RBBP8: variants seen among roughly 807,000 people sequenced by gnomAD.
RBBP8 encodes DNA endonuclease RBBP8.
In RBBP8, 88 loss-of-function variants were observed where a neutral mutation model predicts 108.3. That is an observed-to-expected ratio of 0.81 (90% confidence interval 0.68 to 0.97). RBBP8 has a LOEUF of 0.97. Among genes scored for constraint, RBBP8 ranks in the 50% least tolerant of loss-of-function variants. The pLI, the probability that RBBP8 is intolerant of heterozygous loss-of-function variation, is 0.00. For synonymous variants in RBBP8, 332 were observed against 348.2 expected, an observed-to-expected ratio of 0.95 and a Z score of 0.52; for missense variants, 1,023 against 1,049.0, an observed-to-expected ratio of 0.98 and a Z score of 0.34.
intron 7 of RBBP8, 91 bp downstream of exon 7, chr18:22,982,484 A>ATATC: frequency 6.3e-7 from 1 of 1,589,494 alleles, no homozygotes; most frequent in Non-Finnish European, 8.5e-7. Context: ...TGATAAGAAG[A>ATATC]TAGTCACTAT....
At chr18:23,002,995 G>T (rs545543832) in intron 15 of RBBP8, among the ~76,000 whole-genome samples, 25 of 152,252 alleles carry the variant, frequency 1.6e-4, no homozygotes, top group African/African-American at 5.3e-4. Context: ...TACTTATTCT[G>T]TTCCTTCTTT....
At chr18:22,979,998 C>G (rs1914782892) in intron 6 of RBBP8, among the ~76,000 whole-genome samples, 1 of 147,322 alleles carries the variant, frequency 6.8e-6, no homozygotes, top group South Asian at 2.2e-4. Context: ...ATAATCTCAG[C>G]ACTTTGGGAG....
intron 4 of RBBP8, among the ~76,000 whole-genome samples, chr18:22,960,366 C>T (rs1567961481): frequency 2.0e-5 from 3 of 152,244 alleles, no homozygotes; most frequent in African/African-American, 4.8e-5. Flanking sequence ...GCCGGGGCAA[C>T]GTGGCAAAAC....
intron 5 of RBBP8, among the ~76,000 whole-genome samples, chr18:22,972,083 C>T (rs1225169510): frequency 1.3e-5 from 2 of 150,924 alleles, no homozygotes; most frequent in East Asian, 2.0e-4. Context: ...AGGGCAGGCG[C>T]GTTGGCTCAC....
chr18:23,001,922 T>G (rs1438209251), intron 15 of RBBP8, among the ~76,000 whole-genome samples, 193 bp downstream of exon 15: 1 of 152,190 alleles, frequency 6.6e-6, no homozygotes, highest in Non-Finnish European at 1.5e-5. Flanking sequence ...TTTTCAGCAT[T>G]CTCCTGTACC....
At chr18:22,998,749 A>G (rs2045900011) in intron 14 of RBBP8, among the ~76,000 whole-genome samples, 1 of 152,182 alleles carries the variant, frequency 6.6e-6, no homozygotes, top group Non-Finnish European at 1.5e-5. Context: ...CTACTTATCT[A>G]CTGCTGCCTT....
At chr18:22,996,291 T>A in intron 12 of RBBP8, 83 bp from the exon 13 acceptor site, 1 of 1,562,144 alleles carries the variant, frequency 6.4e-7, no homozygotes. Flanking sequence ...AAATTTTCTA[T>A]TCTTTAGGTC....
intron 3 of RBBP8, among the ~76,000 whole-genome samples, chr18:22,925,208 C>A (rs374967820): frequency 6.6e-6 from 1 of 152,104 alleles, no homozygotes; most frequent in South Asian, 2.1e-4. Flanking sequence ...CCTAAATAGT[C>A]CACAAAAACA....
intron 6 of RBBP8, among the ~76,000 whole-genome samples, chr18:22,980,203 A>G (rs1005678823): frequency 6.6e-6 from 1 of 152,052 alleles, no homozygotes; most frequent in Non-Finnish European, 1.5e-5. Flanking sequence ...CCGAGATTGG[A>G]CCACTGCACT....
Position 22,914,532 on chromosome 18 carries a change from C to T in RBBP8, c.-306+226C>T, listed in dbSNP as rs79126261. Among the ~76,000 whole-genome samples, 1,422 of 152,254 alleles carry T rather than the reference C, an allele frequency of 9.3e-3. 15 individuals are homozygous for T. The highest frequency in any genetic ancestry group is 0.013 in the Non-Finnish European group (876 of 68,012). ...TTACTATGCTTTTCTGTAAGTTGTGCATGGCTATAGTCATTTTAAAAGCTG... is the reference window on the plus strand; with the variant it reads ...TTACTATGCTTTTCTGTAAGTTGTGTATGGCTATAGTCATTTTAAAAGCTG... On this transcript the variant is annotated intron_variant, in intron 1 of 4. Transcript: ENST00000577588.
intron 16 of RBBP8, among the ~76,000 whole-genome samples, chr18:23,011,995 A>G (rs2046171814): frequency 6.6e-6 from 1 of 151,786 alleles, no homozygotes; most frequent in Non-Finnish European, 1.5e-5. Flanking sequence ...GTGATGAGCA[A>G]ATCGAGACCA....
intron 16 of RBBP8, among the ~76,000 whole-genome samples, chr18:23,006,645 G>A (rs2046054451): frequency 6.6e-6 from 1 of 151,976 alleles, no homozygotes; most frequent in Admixed American, 6.6e-5. Flanking sequence ...GGGACTACAG[G>A]CACATACTAC....
In RBBP8 at chr18:22,974,454, T is replaced by C. The variant is rs567830802; in HGVS notation, c.362-699T>C. On this transcript the variant is annotated intron_variant, in intron 5 of 18. Transcript: ENST00000327155. Reference sequence around the variant, plus strand: ...AAAATTACACTGATATTCAGCGTTTTTGGTGTTTTTTTGTTTTGTTTTGTT... The same window carrying C: ...AAAATTACACTGATATTCAGCGTTTCTGGTGTTTTTTTGTTTTGTTTTGTT... Among the ~76,000 whole-genome samples the C allele has an allele frequency of 1.2e-4, 18 of 152,264 alleles. No individual in the cohort carries two copies. In the South Asian group the frequency reaches 3.7e-3, roughly 32 times the overall value.
At chr18:22,946,601 T>C in intron 3 of RBBP8, 115 bp downstream of exon 3, 5 of 1,458,534 alleles carry the variant, frequency 3.4e-6, no homozygotes, top group Non-Finnish European at 4.6e-6. Context: ...TAATGTCTTA[T>C]TTATAAAAAA....
At chr18:22,962,176 A>T (rs890142816) in intron 4 of RBBP8, among the ~76,000 whole-genome samples, 1 of 151,864 alleles carries the variant, frequency 6.6e-6, no homozygotes, top group African/African-American at 2.4e-5. Flanking sequence ...TCTCTTTCAC[A>T]TGATTAACTT....
upstream of RBBP8, chr18:22,929,523 G>GGTGT (rs71161348): frequency 0.22 from 26,196 of 118,348 alleles, 4,511 homozygotes; most frequent in East Asian, 0.28. Context: ...GAGACAGGCG[G>GGTGT]GTGTGTGTGT....
intron 10 of RBBP8, among the ~76,000 whole-genome samples, chr18:22,991,345 A>T (rs1915691540): frequency 6.6e-6 from 1 of 152,124 alleles, no homozygotes; most frequent in African/African-American, 2.4e-5. Context: ...CGGGGTTTAT[A>T]TTTCCCAAAA....
chr18:22,979,175 A>C (rs906002755), intron 6 of RBBP8, among the ~76,000 whole-genome samples: 2 of 152,234 alleles, frequency 1.3e-5, no homozygotes, highest in Non-Finnish European at 2.9e-5. Context: ...AGGCTGAGAC[A>C]CAAGAATCAC....
chr18:22,962,828 T>C (rs1231484006), intron 4 of RBBP8, among the ~76,000 whole-genome samples: 1 of 152,118 alleles, frequency 6.6e-6, no homozygotes, highest in African/African-American at 2.4e-5. Context: ...CTCGAACTCC[T>C]GGCCTCAAGT....
Sources: allele counts gnomAD v4.1 joint callset (sites outside exome capture counted in the v4.1 genomes callset), GRCh38; gene constraint gnomAD v4.1.1; transcripts MANE v1.5; gene names NCBI Gene and HGNC (gene_info 2026-07-23, HGNC 2026-07-21).